OPCML: variants seen among roughly 807,000 people sequenced by gnomAD.
OPCML encodes opioid binding protein/cell adhesion molecule like, also known as opioid-binding protein/cell adhesion molecule.
Under a neutral mutation model 37.8 loss-of-function variants are expected in OPCML, and 13 were observed. That is an observed-to-expected ratio of 0.34 (90% CI 0.22 to 0.55). The LOEUF is 0.55. Among genes scored for constraint, OPCML ranks in the 20% least tolerant of loss-of-function variants. The probability of loss-of-function intolerance (pLI) is 0.91; values close to 1 mark genes in which losing one functional copy is unlikely to be tolerated. For synonymous variants in OPCML, 176 were observed against 168.8 expected, an observed-to-expected ratio of 1.04 and a Z score of -0.33; for missense variants, 341 against 435.6, an observed-to-expected ratio of 0.78 and a Z score of 1.93.
At chr11:133,440,273 C>T (rs1946333738) in intron 1 of OPCML, among the ~76,000 whole-genome samples, 1 of 151,848 alleles carries the variant, frequency 6.6e-6, no homozygotes, top group African/African-American at 2.4e-5. Flanking sequence ...GTGGTGCATG[C>T]CTGTAATCCC....
chr11:133,013,203 A>C (rs1349718117), intron 1 of OPCML, among the ~76,000 whole-genome samples: 1 of 152,172 alleles, frequency 6.6e-6, no homozygotes, highest in Non-Finnish European at 1.5e-5. Context: ...AAGGCAGTTC[A>C]TTTTTTCCAG....
At chr11:133,011,249 T>A (rs1947206593) in intron 1 of OPCML, among the ~76,000 whole-genome samples, 1 of 152,178 alleles carries the variant, frequency 6.6e-6, no homozygotes, top group South Asian at 2.1e-4. Context: ...GCATGACTCT[T>A]GAGAGCAGTA....
At chr11:133,383,894 G>A (rs1340252987) in intron 1 of OPCML, among the ~76,000 whole-genome samples, 1 of 152,140 alleles carries the variant, frequency 6.6e-6, no homozygotes, top group African/African-American at 2.4e-5. Context: ...GGGCCAATAT[G>A]CTTCATGCTA....
At chr11:132,609,826 C>G (rs373656899) in intron 3 of OPCML, among the ~76,000 whole-genome samples, 1 of 152,206 alleles carries the variant, frequency 6.6e-6, no homozygotes, top group South Asian at 2.1e-4. Context: ...TGGGAACTGT[C>G]TGATCGATAT....
At chr11:133,226,492 A>G (rs1019015745) in intron 1 of OPCML, among the ~76,000 whole-genome samples, 3 of 152,246 alleles carry the variant, frequency 2.0e-5, no homozygotes, top group Non-Finnish European at 2.9e-5. Context: ...TTCCATCCCG[A>G]CATGGCGGTC....
At chr11:132,495,826 C>A (rs2096229498) in intron 4 of OPCML, among the ~76,000 whole-genome samples, 2 of 148,826 alleles carry the variant, frequency 1.3e-5, no homozygotes, top group African/African-American at 5.0e-5. Flanking sequence ...ACCCAGGAGG[C>A]AGAGCTTGCG....
In OPCML at chr11:133,207,875, T is replaced by C. The variant is rs145428478; in HGVS notation, c.62-264865A>G. Among the ~76,000 whole-genome samples the C allele has an allele frequency of 1.2e-3, 188 of 152,302 alleles. 1 individual carries two copies. The highest frequency in any genetic ancestry group is 0.01 in the Middle Eastern group (3 of 294). On this transcript the variant is annotated intron_variant, in intron 1 of 7. Transcript: ENST00000524381. ...TCCTGCCGTAGTTCTCCTCACACTC[T>C]ACTGTGGACTTTTTGGACCCTGTAA...
At chr11:132,434,934 C>G (rs144171211) in intron 7 of OPCML, among the ~76,000 whole-genome samples, 305 of 152,164 alleles carry the variant, frequency 2.0e-3, no homozygotes, top group Non-Finnish European at 3.6e-3. Context: ...GGCAAAAACC[C>G]CTTCCCCTGA....
intron 4 of OPCML, among the ~76,000 whole-genome samples, chr11:132,479,454 G>T (rs181583808): frequency 1.3e-5 from 2 of 152,194 alleles, no homozygotes; most frequent in Non-Finnish European, 2.9e-5. Context: ...GGGAAGGGGC[G>T]CCCACCATTG....
chr11:133,091,739 G>C (rs1376980515), intron 1 of OPCML, among the ~76,000 whole-genome samples: 1 of 152,126 alleles, frequency 6.6e-6, no homozygotes, highest in East Asian at 1.9e-4. Flanking sequence ...TCATTTCACA[G>C]GCTGACAGCT....
At chr11:132,669,274 C>T (rs1348636702) in intron 2 of OPCML, among the ~76,000 whole-genome samples, 1 of 151,906 alleles carries the variant, frequency 6.6e-6, no homozygotes, top group African/African-American at 2.4e-5. Flanking sequence ...AACCATGTGT[C>T]AGCGCTGAAG....
At chr11:132,836,006 G>A (rs544188937) in intron 2 of OPCML, among the ~76,000 whole-genome samples, 23 of 152,230 alleles carry the variant, frequency 1.5e-4, no homozygotes, top group East Asian at 1.2e-3. Context: ...GAAGAAATTC[G>A]CTCTCTAAAA....
intron 2 of OPCML, among the ~76,000 whole-genome samples, chr11:132,861,189 AGGC>A (rs1310121346): frequency 2.0e-5 from 3 of 152,210 alleles, no homozygotes; most frequent in Non-Finnish European, 4.4e-5. Context: ...TCTAAACACC[AGGC>A]TCTCGGGATG....
intron 4 of OPCML, among the ~76,000 whole-genome samples, chr11:132,451,866 A>C (rs2096069132): frequency 6.6e-6 from 1 of 152,182 alleles, no homozygotes; most frequent in Non-Finnish European, 1.5e-5. Context: ...TTATCAACGC[A>C]GTAACTTTCT....
intron 2 of OPCML, among the ~76,000 whole-genome samples, chr11:132,732,076 A>G (rs1945096536): frequency 6.6e-6 from 1 of 152,188 alleles, no homozygotes; most frequent in Non-Finnish European, 1.5e-5. Context: ...TCAGTTCTAT[A>G]TGTTTTGGAG....
intron 2 of OPCML, among the ~76,000 whole-genome samples, chr11:132,760,763 C>T (rs1467194836): frequency 6.6e-6 from 1 of 151,958 alleles, no homozygotes; most frequent in Non-Finnish European, 1.5e-5. Context: ...ATTTGCCAGT[C>T]TGTGTCTTTT....
chr11:133,191,928 G>T (rs913159901), intron 1 of OPCML, among the ~76,000 whole-genome samples: 2 of 152,158 alleles, frequency 1.3e-5, no homozygotes, highest in African/African-American at 4.8e-5. Flanking sequence ...TGGTCTGCTT[G>T]TCTCTAACCC....
rs1938185475 is a variant in OPCML, at chr11:133,188,628, T to C, written c.62-245618A>G. On this transcript the variant is annotated intron_variant, in intron 1 of 7. Transcript: ENST00000524381. ...CACAAAATTATTGTTTTAAAATGTG[T>C]TTGTATGAAAACATTTGTTAAATGC... 2.0e-5 allele frequency among the ~76,000 whole-genome samples: 3 copies of C among 152,138 alleles called. No homozygotes were observed. In the South Asian group the frequency reaches 6.2e-4, roughly 32 times the overall value.
At chr11:132,923,807 A>G (rs1296169426) in intron 2 of OPCML, among the ~76,000 whole-genome samples, 2 of 118,368 alleles carry the variant, frequency 1.7e-5, no homozygotes, top group African/African-American at 6.8e-5. Flanking sequence ...CTTGTTGCCC[A>G]GGCTGGAGTG....
Sources: gnomAD v4.1 joint callset for allele counts (sites outside exome capture counted in the v4.1 genomes callset) on GRCh38, gnomAD v4.1.1 for gene constraint, MANE v1.5 for transcripts, NCBI Gene and HGNC (gene_info 2026-07-23, HGNC 2026-07-21) for gene names.